SCN8A: variants seen among roughly 807,000 people sequenced by gnomAD.
SCN8A encodes the protein sodium voltage-gated channel alpha subunit 8, also known as sodium channel protein type 8 subunit alpha.
In SCN8A, 30 loss-of-function variants were observed where a neutral mutation model predicts 184.1. The ratio of observed to expected loss-of-function variants is 0.16; its 90% CI spans 0.12 to 0.22. The LOEUF is 0.22. SCN8A is among the 10% of genes least tolerant of loss of function. The probability of loss-of-function intolerance (pLI) is 1.00; values close to 1 mark genes in which losing one functional copy is unlikely to be tolerated. For missense variants in SCN8A, 1,057 were observed against 2,498.9 expected, an observed-to-expected ratio of 0.42 and a Z score of 12.30; for synonymous variants, 852 against 907.0, an observed-to-expected ratio of 0.94 and a Z score of 1.09.
intron 1 of SCN8A, among the ~76,000 whole-genome samples, chr12:51,641,270 T>G (rs1940448892): frequency 6.6e-6 from 1 of 152,234 alleles, no homozygotes; most frequent in Non-Finnish European, 1.5e-5. Context: ...ATAAGAGACT[T>G]GAGCATCTGG....
chr12:51,744,582 AT>A (rs962973608), intron 12 of SCN8A, among the ~76,000 whole-genome samples: 1 of 151,010 alleles, frequency 6.6e-6, no homozygotes, highest in Non-Finnish European at 1.5e-5. Flanking sequence ...ACTGATCCAA[AT>A]CTGAATCAGT....
At chr12:51,705,660 A>G (rs773818331) in intron 10 of SCN8A, 37 bp downstream of exon 10, 1 of 1,567,636 alleles carries the variant, frequency 6.4e-7, no homozygotes, top group Non-Finnish European at 8.7e-7. Context: ...CCTTCCTGCC[A>G]GATCATGGTG....
chr12:51,750,910 C>G (rs1420695718), intron 13 of SCN8A, among the ~76,000 whole-genome samples: 1 of 152,186 alleles, frequency 6.6e-6, no homozygotes, highest in East Asian at 1.9e-4. Context: ...GTGCCAGATA[C>G]TATAGTGACT....
Position 51,687,161 on chromosome 12 carries a change from G to T in SCN8A, c.556G>T (p.Gly186Cys). 6.2e-7 allele frequency: 1 copy of T among 1,613,466 alleles called. No homozygotes were observed. The highest frequency in any genetic ancestry group is 8.5e-7 in the Non-Finnish European group (1 of 1,179,516). Reference protein sequence around the residue: ...KIIARGFCIDGFTFLRDPWNW... With the variant: ...KIIARGFCIDCFTFLRDPWNW... ...CATTGCAAGAGGTTTCTGCATAGAT[G>T]GCTTTACCTTTTTACGGGACCCATG... is the stretch of plus-strand genomic sequence containing the variant. Residue 186 changes from glycine (G) to cysteine (C), a missense_variant, in exon 5 of 27, where the codon GGC becomes TGC. Physicochemically the swap from Gly to Cys is radical, Grantham distance 159 (BLOSUM62 -3). Transcript: ENST00000627620.
intron 3 of SCN8A, among the ~76,000 whole-genome samples, chr12:51,685,627 T>A (rs1295394596): frequency 6.6e-6 from 1 of 152,236 alleles, no homozygotes; most frequent in East Asian, 1.9e-4. Flanking sequence ...GTGGTGCAGA[T>A]GTCCTTGAAA....
intron 1 of SCN8A, among the ~76,000 whole-genome samples, chr12:51,613,277 A>G (rs529476561): frequency 6.6e-6 from 1 of 152,316 alleles, no homozygotes; most frequent in South Asian, 2.1e-4. Flanking sequence ...TATAGGTTAG[A>G]TTTCTCTAAT....
At chr12:51,697,924 C>G in intron 6 of SCN8A, among the ~76,000 whole-genome samples, 1 of 152,358 alleles carries the variant, frequency 6.6e-6, no homozygotes, top group East Asian at 1.9e-4. Context: ...TCTTGGCTCA[C>G]TGGAACCTCC....
chr12:51,768,730 T>C (rs558934817), intron 16 of SCN8A, 135 bp from the exon 17 acceptor site: 20 of 650,750 alleles, frequency 3.1e-5, no homozygotes, highest in African/African-American at 2.7e-4. Context: ...ATTAAAATAC[T>C]ACGTGGGCCA....
chr12:51,776,301 C>T (rs1296412883), intron 20 of SCN8A, among the ~76,000 whole-genome samples: 3 of 152,116 alleles, frequency 2.0e-5, no homozygotes, highest in East Asian at 1.9e-4. Context: ...TATGGCTATA[C>T]GCAAGGTGGA....
At chr12:51,729,756 A>G (rs1942211130) in intron 12 of SCN8A, among the ~76,000 whole-genome samples, 1 of 152,186 alleles carries the variant, frequency 6.6e-6, no homozygotes, top group Non-Finnish European at 1.5e-5. Context: ...GTTCCTCAGA[A>G]TAGTTACACC....
At chr12:51,683,084 G>GA (rs531253719) in intron 2 of SCN8A, among the ~76,000 whole-genome samples, 3 of 151,954 alleles carry the variant, frequency 2.0e-5, no homozygotes, top group Admixed American at 1.3e-4. Context: ...CAGCCAAGGG[G>GA]AAAAAAATCT....
intron 2 of SCN8A, among the ~76,000 whole-genome samples, chr12:51,682,315 T>G (rs1315141225): frequency 6.6e-6 from 1 of 152,220 alleles, no homozygotes; most frequent in Non-Finnish European, 1.5e-5. Flanking sequence ...TGGTTTTGTA[T>G]CAAGGTAATA....
intron 11 of SCN8A, among the ~76,000 whole-genome samples, chr12:51,708,151 A>G (rs1941815362): frequency 6.6e-6 from 1 of 152,212 alleles, no homozygotes; most frequent in Admixed American, 6.5e-5. Context: ...TAGCTCAAAC[A>G]TCTCTGTTTA....
intron 11 of SCN8A, among the ~76,000 whole-genome samples, chr12:51,707,753 A>G (rs979447660): frequency 2.0e-5 from 3 of 152,204 alleles, no homozygotes; most frequent in African/African-American, 7.2e-5. Flanking sequence ...AGGAGCCTCC[A>G]TACTCTTCTC....
chr12:51,723,813 A>C (rs998801184), intron 12 of SCN8A, among the ~76,000 whole-genome samples: 2 of 151,502 alleles, frequency 1.3e-5, no homozygotes, highest in Non-Finnish European at 2.9e-5. Context: ...GCGCCACTGC[A>C]CTCCAGCCTG....
intron 5 of SCN8A, 200 bp from the exon 6 acceptor site, chr12:51,688,805 C>CT: frequency 6.2e-7 from 1 of 1,613,964 alleles, no homozygotes; most frequent in Non-Finnish European, 8.5e-7. Context: ...GCTCTACGCA[C>CT]TTTCAGGGTA....
At chr12:51,684,879 G>C (rs1941394512) in intron 3 of SCN8A, among the ~76,000 whole-genome samples, 1 of 152,160 alleles carries the variant, frequency 6.6e-6, no homozygotes, top group Admixed American at 6.5e-5. Context: ...AGTGGCCTGA[G>C]TTACACCTTA....
At chr12:51,788,636 CCTAG>C in intron 22 of SCN8A, 55 bp from the exon 23 acceptor site, 1 of 1,394,442 alleles carries the variant, frequency 7.2e-7, no homozygotes, top group Admixed American at 1.9e-5. Flanking sequence ...GGGACCCCTG[CCTAG>C]ACTCCCATCC....
chr12:51,644,853 G>A lies in SCN8A; in HGVS notation c.-54-17911G>A, dbSNP rs959570402. On this transcript the variant is annotated intron_variant, in intron 1 of 26. Transcript: ENST00000627620. Reference sequence around the variant, plus strand: ...AGGAGCATCTCTGCCCGGCCACCCCGTCTGAGAAGTGAGGAGACCCTCTGC... The same window carrying A: ...AGGAGCATCTCTGCCCGGCCACCCCATCTGAGAAGTGAGGAGACCCTCTGC... Among the ~76,000 whole-genome samples, 21 of 150,218 alleles carry A rather than the reference G, an allele frequency of 1.4e-4. No individual in the cohort carries two copies. The East Asian group carries it at 1.8e-3, about 13-fold the overall frequency.
Sources: allele counts gnomAD v4.1 joint callset (sites outside exome capture counted in the v4.1 genomes callset), GRCh38; gene constraint gnomAD v4.1.1; transcripts MANE v1.5; gene names NCBI Gene and HGNC (gene_info 2026-07-23, HGNC 2026-07-21).